The following ERBB4 variants were observed in gnomAD, a reference collection of about 807,000 sequenced individuals.
The protein encoded by ERBB4 is erb-b2 receptor tyrosine kinase 4, also known as receptor tyrosine-protein kinase erbB-4.
In ERBB4, 42 loss-of-function variants were observed where a neutral mutation model predicts 158.0. The observed-to-expected ratio is 0.27, with a 90% CI of 0.21 to 0.34. ERBB4 has a LOEUF of 0.34. Among genes scored for constraint, ERBB4 ranks in the 10% least tolerant of loss-of-function variants. ERBB4 has a pLI of 1.00. For missense variants in ERBB4, 1,333 were observed against 1,624.1 expected, an observed-to-expected ratio of 0.82 and a Z score of 3.08; for synonymous variants, 583 against 558.7, an observed-to-expected ratio of 1.04 and a Z score of -0.61.
intron 1 of ERBB4, among the ~76,000 whole-genome samples, chr2:212,183,101 A>T (rs2081922113): frequency 6.6e-6 from 1 of 151,858 alleles, no homozygotes; most frequent in South Asian, 2.1e-4. Context: ...AGTTAAAACG[A>T]TGTTTTAAGT....
chr2:211,441,698 G>T (rs988204932), intron 20 of ERBB4, among the ~76,000 whole-genome samples: 2 of 152,076 alleles, frequency 1.3e-5, no homozygotes, highest in African/African-American at 4.8e-5. Context: ...TCAAACCATT[G>T]CAATTATGCC....
In ERBB4 at chr2:211,581,129, AG is replaced by A. The variant is rs111844753; in HGVS notation, c.2302-19042del. 6.2e-4 allele frequency among the ~76,000 whole-genome samples: 94 copies of A among 150,856 alleles called. 2 individuals carry two copies. The highest frequency in any genetic ancestry group is 2.3e-3 in the African/African-American group (93 of 41,174). ...GGGGACTCAGGGGGAAAGGGTGGGGAGGGGGTGAAGCATACAATACCACAAA... is the reference window on the plus strand; with the variant it reads ...GGGGACTCAGGGGGAAAGGGTGGGGAGGGGTGAAGCATACAATACCACAAA... On this transcript the variant is annotated intron_variant, in intron 19 of 27. Coordinates refer to ENST00000342788, the MANE Select transcript of ERBB4 (RefSeq NM_005235.3).
intron 5 of ERBB4, among the ~76,000 whole-genome samples, chr2:211,746,631 C>T (rs1293427973): frequency 2.0e-5 from 3 of 152,008 alleles, no homozygotes; most frequent in Non-Finnish European, 4.4e-5. Flanking sequence ...GAGTTCAAGA[C>T]CAGCCTGACC....
At position 211,773,596 on chromosome 2, in the gene ERBB4, C is replaced by T. The variant is rs1316391277; in HGVS notation, c.556+14429G>A. Among the ~76,000 whole-genome samples, 3 of 33,972 alleles carry T rather than the reference C, an allele frequency of 8.8e-5. No individual in the cohort carries two copies. In the South Asian group the frequency reaches 3.7e-3, roughly 42 times the overall value. The allele number at this position is 33,972 out of a possible 152,430, so 22.3% of individuals were successfully genotyped here. On this transcript the variant is annotated intron_variant, in intron 4 of 27. Coordinates refer to ENST00000342788, the MANE Select transcript of ERBB4 (RefSeq NM_005235.3). Reference sequence around the variant, plus strand: ...GAAAGTAAGGATTATACTTCTGTAACTTTATATATATATATATATATATAT... The same window carrying T: ...GAAAGTAAGGATTATACTTCTGTAATTTTATATATATATATATATATATAT...
intron 1 of ERBB4, among the ~76,000 whole-genome samples, chr2:212,463,185 T>C (rs77004336): frequency 0.012 from 1,822 of 152,224 alleles, 37 homozygotes; most frequent in African/African-American, 0.042. Context: ...TCTAGTGTTA[T>C]ATAGCACTGT....
At chr2:212,422,683 T>C (rs1323444010) in intron 1 of ERBB4, among the ~76,000 whole-genome samples, 1 of 152,212 alleles carries the variant, frequency 6.6e-6, no homozygotes, top group Admixed American at 6.5e-5. Context: ...TCTTATGGAG[T>C]TCTACCTCAT....
chr2:212,084,702 T>C (rs1289323406), intron 2 of ERBB4, among the ~76,000 whole-genome samples: 1 of 151,978 alleles, frequency 6.6e-6, no homozygotes, highest in Non-Finnish European at 1.5e-5. Context: ...AACATCTTCA[T>C]CTGAAACATA....
chr2:211,376,559 G>T lies in ERBB4; in HGVS notation c.*7056C>A, dbSNP rs2062476993. 1 of 232,666 alleles carries T rather than the reference G, an allele frequency of 4.3e-6. No homozygotes were observed. Among genetic ancestry groups the T allele is most frequent in the South Asian group, 1.8e-4 (1 of 5,520 alleles). 14.4% of individuals were successfully genotyped at this position (232,666 alleles called of 1,614,324 possible). ...CTTTGAAGATACTTCACAAGAGAGA[G>T]GGCTTGTTTTCTGCTTACAAGTTAA... On this transcript the variant is annotated 3_prime_UTR_variant, in exon 28 of 28. Coordinates refer to ENST00000342788, the MANE Select transcript of ERBB4 (RefSeq NM_005235.3).
intron 1 of ERBB4, among the ~76,000 whole-genome samples, chr2:212,140,865 GT>G (rs1219915778): frequency 3.0e-4 from 45 of 151,054 alleles, no homozygotes; most frequent in African/African-American, 1.1e-3. Context: ...GTGTGTGTGT[GT>G]GTGTGTGTGT....
chr2:212,194,512 T>C (rs62182576), intron 1 of ERBB4, among the ~76,000 whole-genome samples: 23,436 of 151,992 alleles, frequency 0.15, 2,307 homozygotes, highest in Non-Finnish European at 0.22. Context: ...ATATACCACT[T>C]GTGTCAAATG....
chr2:212,294,492 G>A (rs939694355), intron 1 of ERBB4, among the ~76,000 whole-genome samples: 5 of 151,716 alleles, frequency 3.3e-5, no homozygotes, highest in African/African-American at 1.2e-4. Flanking sequence ...TAATTATACT[G>A]AAATTATATA....
At chr2:212,410,242 CTA>C (rs1212571279) in intron 1 of ERBB4, among the ~76,000 whole-genome samples, 3 of 133,240 alleles carry the variant, frequency 2.3e-5, no homozygotes, top group Non-Finnish European at 5.0e-5. Context: ...GTATTTATTG[CTA>C]TGTTTATTTG....
At chr2:211,533,726 T>C (rs898676433) in intron 20 of ERBB4, among the ~76,000 whole-genome samples, 1 of 152,066 alleles carries the variant, frequency 6.6e-6, no homozygotes, top group Non-Finnish European at 1.5e-5. Flanking sequence ...AACCTTCAGG[T>C]ACTTCAAAAA....
At chr2:211,594,778 G>A (rs1180542086) in intron 19 of ERBB4, among the ~76,000 whole-genome samples, 1 of 152,158 alleles carries the variant, frequency 6.6e-6, no homozygotes, top group African/African-American at 2.4e-5. Flanking sequence ...GACAATTTAG[G>A]TAAAGGGTCT....
intron 1 of ERBB4, among the ~76,000 whole-genome samples, chr2:212,141,290 G>T (rs563402858): frequency 6.6e-6 from 1 of 151,976 alleles, no homozygotes; most frequent in East Asian, 1.9e-4. Context: ...CACATAAAAA[G>T]AATTTTATAG....
At chr2:212,515,667 A>T (rs1305764411) in intron 1 of ERBB4, among the ~76,000 whole-genome samples, 1 of 151,964 alleles carries the variant, frequency 6.6e-6, no homozygotes, top group African/African-American at 2.4e-5. Context: ...TTATTCATTG[A>T]TATTTGTATT....
chr2:211,470,024 T>C (rs1045047241), intron 20 of ERBB4, among the ~76,000 whole-genome samples: 2 of 151,964 alleles, frequency 1.3e-5, no homozygotes, highest in African/African-American at 4.8e-5. Flanking sequence ...AAGGTACAAG[T>C]AGGTTCTTTC....
chr2:212,517,428 G>A (rs1309848649), intron 1 of ERBB4, among the ~76,000 whole-genome samples: 1 of 152,016 alleles, frequency 6.6e-6, no homozygotes, highest in Non-Finnish European at 1.5e-5. Flanking sequence ...ATAGAATTAA[G>A]GGACATGGCA....
At chr2:212,397,515 G>C (rs1295405429) in intron 1 of ERBB4, among the ~76,000 whole-genome samples, 1 of 144,162 alleles carries the variant, frequency 6.9e-6, no homozygotes, top group Non-Finnish European at 1.6e-5. Context: ...AAGGAAGGGG[G>C]GAAGGGGGGA....
Sources: allele counts gnomAD v4.1 joint callset (sites outside exome capture counted in the v4.1 genomes callset), GRCh38; gene constraint gnomAD v4.1.1; transcripts MANE v1.5; gene names NCBI Gene and HGNC (gene_info 2026-07-23, HGNC 2026-07-21).